TMEM178B: variants seen among roughly 807,000 people sequenced by gnomAD.
The protein encoded by TMEM178B is transmembrane protein 178B.
A neutral mutation model predicts 31.0 loss-of-function variants in TMEM178B; 5 were observed. That is an observed-to-expected ratio of 0.16 (90% CI 0.08 to 0.34). TMEM178B has a LOEUF of 0.34. TMEM178B is among the 10% of genes least tolerant of loss of function. TMEM178B has a pLI of 1.00. For synonymous variants in TMEM178B, 164 were observed against 164.0 expected, an observed-to-expected ratio of 1.00 and a Z score of 0.00; for missense variants, 275 against 400.3, an observed-to-expected ratio of 0.69 and a Z score of 2.67.
chr7:141,455,147 A>G lies in TMEM178B; in HGVS notation c.635-15389A>G, dbSNP rs1208479561. 5.9e-5 allele frequency among the ~76,000 whole-genome samples: 9 copies of G among 152,130 alleles called. No homozygotes were observed. In the South Asian group the frequency reaches 8.3e-4, roughly 14 times the overall value. On this transcript the variant is annotated intron_variant, in intron 3 of 3. Coordinates refer to ENST00000565468, the MANE Select transcript of TMEM178B (RefSeq NM_001195278.2). ...AGATTTAGTGCTCTGATCTTGATTC[A>G]TTTCCTTTCTTGACCTCTCTATCCT... is the stretch of plus-strand genomic sequence containing the variant.
At chr7:141,128,502 A>C (rs1021054265) in intron 1 of TMEM178B, among the ~76,000 whole-genome samples, 2 of 152,118 alleles carry the variant, frequency 1.3e-5, no homozygotes, top group East Asian at 3.9e-4. Context: ...CAAGCACATC[A>C]GGCTATTTTG....
At chr7:141,176,534 T>A (rs1371536314) in intron 1 of TMEM178B, among the ~76,000 whole-genome samples, 2 of 152,214 alleles carry the variant, frequency 1.3e-5, no homozygotes, top group African/African-American at 4.8e-5. Flanking sequence ...GAAGGAATGG[T>A]ACCAGCTCCT....
chr7:141,161,390 G>A (rs1306910791), intron 1 of TMEM178B, among the ~76,000 whole-genome samples: 1 of 152,194 alleles, frequency 6.6e-6, no homozygotes, highest in East Asian at 1.9e-4. Context: ...GAGGTGAGCT[G>A]GGAAAGGCAG....
chr7:141,365,038 T>A (rs1799980744), intron 2 of TMEM178B, among the ~76,000 whole-genome samples: 1 of 152,260 alleles, frequency 6.6e-6, no homozygotes, highest in Non-Finnish European at 1.5e-5. Context: ...ACGAAACACA[T>A]CTGTAGCCTA....
intron 2 of TMEM178B, among the ~76,000 whole-genome samples, chr7:141,350,274 C>T (rs1248062920): frequency 2.6e-5 from 4 of 152,018 alleles, no homozygotes; most frequent in Admixed American, 6.5e-5. Context: ...ACCATCCCAT[C>T]GAGAAAAGCC....
At chr7:141,511,103 C>T in the TMEM178B span, among the ~76,000 whole-genome samples, 2 of 151,672 alleles carry the variant, frequency 1.3e-5, no homozygotes, top group Non-Finnish European at 2.9e-5. Context: ...GTAAATTGTG[C>T]ATTTTTAACC....
intron 2 of TMEM178B, among the ~76,000 whole-genome samples, chr7:141,316,542 C>T (rs1586887865): frequency 1.3e-5 from 2 of 149,898 alleles, no homozygotes; most frequent in Admixed American, 1.3e-4. Flanking sequence ...GAAAAATTGC[C>T]TCTGGACTGC....
At position 141,422,017 on chromosome 7, in the gene TMEM178B, T is replaced by C. The variant is rs1159357418; in HGVS notation, c.497-15591T>C. Among the ~76,000 whole-genome samples the C allele has an allele frequency of 6.6e-6, 1 of 152,246 alleles. No homozygotes were observed. The highest frequency in any genetic ancestry group is 2.4e-5 in the African/African-American group (1 of 41,472). On this transcript the variant is annotated intron_variant, in intron 2 of 3. Transcript: ENST00000565468. This position sits in a 1 kb window ranked among gnomAD's most constrained non-coding sequence, Gnocchi z 4.2. ...ATCTAATATCGGAACCTCAGTCTTA[T>C]ATTAATATTTAGTTTACATCTTCTC...
chr7:141,485,786 G>C, the TMEM178B span, among the ~76,000 whole-genome samples: 2 of 152,202 alleles, frequency 1.3e-5, no homozygotes, highest in Non-Finnish European at 2.9e-5. Context: ...CCATGTCAGG[G>C]TGTGATGCCA....
intron 2 of TMEM178B, among the ~76,000 whole-genome samples, chr7:141,271,263 T>C (rs1798176178): frequency 6.6e-6 from 1 of 152,184 alleles, no homozygotes; most frequent in Non-Finnish European, 1.5e-5. Flanking sequence ...CCAAGCATTG[T>C]AGCAAGTACT....
At chr7:141,126,740 C>A (rs953865798) in intron 1 of TMEM178B, among the ~76,000 whole-genome samples, 1 of 152,086 alleles carries the variant, frequency 6.6e-6, no homozygotes, top group Non-Finnish European at 1.5e-5. Context: ...ACTTGATGGA[C>A]AGGCTAAGTT....
chr7:141,225,909 T>C (rs1017496483), intron 2 of TMEM178B, among the ~76,000 whole-genome samples: 1 of 152,160 alleles, frequency 6.6e-6, no homozygotes, highest in Non-Finnish European at 1.5e-5. Flanking sequence ...TAGGCCCCAG[T>C]CTCAGTTCAC....
intron 1 of TMEM178B, among the ~76,000 whole-genome samples, chr7:141,154,153 A>G (rs1185163912): frequency 6.6e-6 from 1 of 152,264 alleles, no homozygotes; most frequent in African/African-American, 2.4e-5. Context: ...GGCTGATTGA[A>G]TGCCTCTGCA....
chr7:141,169,224 T>C (rs1015827868), intron 1 of TMEM178B, among the ~76,000 whole-genome samples: 1 of 152,242 alleles, frequency 6.6e-6, no homozygotes, highest in Non-Finnish European at 1.5e-5. Flanking sequence ...TAGGCCCCAG[T>C]GTGTTGTTCA....
chr7:141,298,061 A>G (rs1374883037), intron 2 of TMEM178B, among the ~76,000 whole-genome samples: 2 of 152,192 alleles, frequency 1.3e-5, no homozygotes, highest in African/African-American at 4.8e-5. Context: ...AACTGGTGTG[A>G]GATGGTATCT....
At chr7:141,262,948 G>A (rs1020714308) in intron 2 of TMEM178B, among the ~76,000 whole-genome samples, 1 of 152,080 alleles carries the variant, frequency 6.6e-6, no homozygotes, top group Admixed American at 6.6e-5. Context: ...CCACCAAAAT[G>A]CATTTTCTTT....
intron 2 of TMEM178B, among the ~76,000 whole-genome samples, chr7:141,390,001 A>G (rs923350756): frequency 7.2e-5 from 11 of 152,310 alleles, no homozygotes; most frequent in African/African-American, 2.2e-4. Flanking sequence ...TGGCTGGAAA[A>G]TGTCTTGTTC....
At chr7:141,499,494 CCAGA>C in the TMEM178B span, among the ~76,000 whole-genome samples, 1 of 149,070 alleles carries the variant, frequency 6.7e-6, no homozygotes, top group East Asian at 1.9e-4. Context: ...AAAAATTCAG[CCAGA>C]CATTGTGGTG....
At chr7:141,456,696 A>C (rs1456184292) in intron 3 of TMEM178B, among the ~76,000 whole-genome samples, 2 of 152,246 alleles carry the variant, frequency 1.3e-5, no homozygotes, top group African/African-American at 4.8e-5. Context: ...ACCCAGGGTA[A>C]GGTTTCCCTC....
Sources: gnomAD v4.1 joint callset for allele counts (sites outside exome capture counted in the v4.1 genomes callset) on GRCh38, gnomAD v4.1.1 for gene constraint, Gnocchi (gnomAD v3.1) non-coding constraint, MANE v1.5 for transcripts, NCBI Gene and HGNC (gene_info 2026-07-23, HGNC 2026-07-21) for gene names.